Variants in APP observed in about 807,000 individuals in gnomAD.
The protein encoded by APP is amyloid-beta precursor protein.
APP carries 31 observed loss-of-function variants against 101.4 expected under a neutral mutation model. The ratio of observed to expected loss-of-function variants is 0.31; its 90% CI spans 0.23 to 0.41. The LOEUF is 0.41. Among genes scored for constraint, APP ranks in the 10% least tolerant of loss-of-function variants. The pLI is 1.00. For synonymous variants in APP, 366 were observed against 364.4 expected (o/e 1.00, Z -0.05); for missense variants, 839 against 1,003.7 (o/e 0.84, Z 2.22).
At chr21:25,969,834 G>GAAAAGAAAAGAAAAGAAAAC (rs2041942427) in intron 11 of APP, among the ~76,000 whole-genome samples, 1 of 95,078 alleles carries the variant, frequency 1.1e-5, no homozygotes, top group Non-Finnish European at 1.9e-5. Flanking sequence ...GCAAGACCCT[G>GAAAAGAAAAGAAAAGAAAAC]AAAAGAAAAG....
intron 4 of APP, among the ~76,000 whole-genome samples, chr21:26,051,507 C>T (rs769741035): frequency 2.0e-5 from 3 of 152,110 alleles, no homozygotes; most frequent in African/African-American, 7.2e-5. Flanking sequence ...TGAACAGATA[C>T]CAGAGAATTA....
intron 1 of APP, among the ~76,000 whole-genome samples, chr21:26,131,253 A>T (rs9975699): frequency 0.017 from 2,509 of 151,600 alleles, 36 homozygotes; most frequent in East Asian, 0.046. Flanking sequence ...ATAAATAAAT[A>T]AATTAATTAA....
intron 8 of APP, among the ~76,000 whole-genome samples, chr21:25,993,442 A>T (rs7278134): frequency 0.91 from 137,909 of 151,906 alleles, 62,615 homozygotes; most frequent in East Asian, 0.95. Flanking sequence ...AGGTGAACCA[A>T]TGACTTCAAA....
chr21:25,983,922 A>G (rs1045878427), intron 8 of APP, among the ~76,000 whole-genome samples: 4 of 152,190 alleles, frequency 2.6e-5, no homozygotes, highest in Admixed American at 6.6e-5. Context: ...TTTGAATCCC[A>G]TTTCTTTTTC....
intron 9 of APP, among the ~76,000 whole-genome samples, chr21:25,978,810 G>A (rs1054003389): frequency 6.6e-6 from 1 of 152,116 alleles, no homozygotes; most frequent in Admixed American, 6.5e-5. Flanking sequence ...AAATTAGCTC[G>A]GCGTGGTGGC....
intron 13 of APP, among the ~76,000 whole-genome samples, chr21:25,935,469 G>C (rs753782539): frequency 2.6e-5 from 4 of 152,042 alleles, no homozygotes; most frequent in Non-Finnish European, 4.4e-5. Flanking sequence ...CTTGGTTATG[G>C]GTTTGTCACA....
chr21:25,946,860 C>A (rs942284080), intron 13 of APP, among the ~76,000 whole-genome samples: 2 of 152,050 alleles, frequency 1.3e-5, no homozygotes, highest in Non-Finnish European at 2.9e-5. Flanking sequence ...CTGCCAGCGT[C>A]CATTTGGAGC....
chr21:26,082,930 G>C (rs1169856208), intron 3 of APP, among the ~76,000 whole-genome samples: 1 of 152,002 alleles, frequency 6.6e-6, no homozygotes, highest in Non-Finnish European at 1.5e-5. Flanking sequence ...TTCCTAAGGT[G>C]GAAATTTGGA....
intron 8 of APP, 52 bp from the exon 9 acceptor site, chr21:25,982,529 A>T (rs1422588283): frequency 6.4e-7 from 1 of 1,562,836 alleles, no homozygotes; most frequent in South Asian, 1.1e-5. Flanking sequence ...ACAACAACAG[A>T]ATAATCCACT....
chr21:26,103,592 T>G (rs1293055055), intron 2 of APP, among the ~76,000 whole-genome samples: 2 of 151,634 alleles, frequency 1.3e-5, no homozygotes, highest in Non-Finnish European at 1.5e-5. Context: ...TGGAGTGAGA[T>G]CCCGTCAAAA....
chr21:26,113,369 T>C (rs1055664361), intron 1 of APP, among the ~76,000 whole-genome samples: 10 of 152,210 alleles, frequency 6.6e-5, no homozygotes, highest in African/African-American at 2.4e-4. Flanking sequence ...TTTCCAAACA[T>C]TTCTTCCCAC....
At position 25,945,699 on chromosome 21, in the gene APP, C is replaced by G. The variant is rs115158165; in HGVS notation, c.1687+8891G>C. 2,738 of 329,942 alleles carry G rather than the reference C, an allele frequency of 8.3e-3. 57 individuals carry two copies. The highest frequency in any genetic ancestry group is 0.055 in the African/African-American group (2,477 of 45,092). 20.4% of individuals were successfully genotyped at this position (329,942 alleles called of 1,614,324 possible). On this transcript the variant is annotated intron_variant, in intron 13 of 17. Coordinates refer to ENST00000346798, the MANE Select transcript of APP (RefSeq NM_000484.4). ...ACCATTCAATGGGGGAAATAATAGT[C>G]TTTTTCTTCCTTTTTTTGAGACAGG...
chr21:26,079,713 G>A (rs57129976), intron 3 of APP, among the ~76,000 whole-genome samples: 7,465 of 152,250 alleles, frequency 0.049, 263 homozygotes, highest in East Asian at 0.096. Flanking sequence ...GCTGAAAAAT[G>A]TGACCATGAC....
chr21:25,900,814 C>T (rs1453598169), intron 15 of APP, among the ~76,000 whole-genome samples: 1 of 151,448 alleles, frequency 6.6e-6, no homozygotes, highest in East Asian at 2.0e-4. Context: ...ATGGTGAAAC[C>T]CCGTCTCTAC....
At chr21:26,010,872 CA>C (rs1454596269) in intron 6 of APP, among the ~76,000 whole-genome samples, 1 of 129,930 alleles carries the variant, frequency 7.7e-6, no homozygotes, top group Admixed American at 7.5e-5. Flanking sequence ...AAAAAACACA[CA>C]AAACTTAGCT....
rs1206218421 is a variant in APP, at chr21:26,053,263, A to G, written c.441T>C (p.His147=). The G allele has an allele frequency of 6.2e-7, 1 of 1,613,696 alleles. No individual in the cohort carries two copies. The highest frequency in any genetic ancestry group is 1.7e-5 in the Admixed American group (1 of 59,998). ...HQERMDVCET[H]LHWHTVAKET... ...CTTTGGCGACGGTGTGCCAGTGAAGATGAGTTTCGCAAACATCCATCCTCT... is the reference window on the plus strand; with the variant it reads ...CTTTGGCGACGGTGTGCCAGTGAAGGTGAGTTTCGCAAACATCCATCCTCT... The change falls in exon 4 of 18, where the codon CAT becomes CAC. Residue 147 remains histidine (H), a synonymous_variant. Coordinates refer to ENST00000346798, the MANE Select transcript of APP (RefSeq NM_000484.4).
intron 17 of APP, among the ~76,000 whole-genome samples, chr21:25,888,618 A>G (rs2037494921): frequency 6.6e-6 from 1 of 152,210 alleles, no homozygotes; most frequent in African/African-American, 2.4e-5. Flanking sequence ...AGTAGACAGC[A>G]AAATGAGGAG....
intron 13 of APP, among the ~76,000 whole-genome samples, chr21:25,930,452 G>A (rs2040093253): frequency 6.6e-6 from 1 of 152,172 alleles, no homozygotes; most frequent in East Asian, 1.9e-4. Flanking sequence ...CAAAGAATTG[G>A]TTAGCAAGTC....
chr21:26,051,969 G>T (rs1354165965), intron 4 of APP, among the ~76,000 whole-genome samples: 1 of 152,152 alleles, frequency 6.6e-6, no homozygotes, highest in African/African-American at 2.4e-5. Flanking sequence ...AAAAAATGAG[G>T]TTATCAAATA....
Sources: gnomAD v4.1 joint callset for allele counts (sites outside exome capture counted in the v4.1 genomes callset) on GRCh38, gnomAD v4.1.1 for gene constraint, MANE v1.5 for transcripts, NCBI Gene and HGNC (gene_info 2026-07-23, HGNC 2026-07-21) for gene names.